The following ARR3 variants were observed in gnomAD, a reference collection of about 807,000 sequenced individuals.
ARR3 encodes arrestin 3.
In ARR3, 14 loss-of-function variants were observed where a neutral mutation model predicts 35.4. That is an observed-to-expected ratio of 0.40 (90% CI 0.26 to 0.62). The LOEUF (loss-of-function observed/expected upper bound fraction) is 0.62. Ranked by LOEUF, ARR3 falls within the 20% of genes least tolerant of loss-of-function variation. ARR3 has a pLI of 0.46. For missense variants in ARR3, 259 were observed against 303.8 expected (o/e 0.85, Z 1.10); for synonymous variants, 97 against 119.1 (o/e 0.81, Z 1.21).
At chrX:70,269,033 A>C (rs1321266621) in intron 1 of ARR3, among the ~76,000 whole-genome samples, 1 of 112,375 alleles carries the variant, frequency 8.9e-6, no homozygotes, top group Non-Finnish European at 1.9e-5. Flanking sequence ...CTCTTTCCAG[A>C]GAAGTTCCTT....
intron 5 of ARR3, among the ~76,000 whole-genome samples, chrX:70,272,868 T>A (rs1602720181): frequency 8.9e-6 from 1 of 112,572 alleles, no homozygotes; most frequent in Non-Finnish European, 1.9e-5. Flanking sequence ...TTCTTAAAAA[T>A]ACTAAAATAA....
intron 5 of ARR3, among the ~76,000 whole-genome samples, chrX:70,275,294 G>A (rs1258047380): frequency 8.9e-6 from 1 of 112,178 alleles, no homozygotes; most frequent in African/African-American, 3.2e-5. Flanking sequence ...AATCTCATGG[G>A]TGTGAAATCT....
intron 16 of ARR3, chrX:70,281,375 AC>A: frequency 4.7e-6 from 2 of 421,898 alleles, no homozygotes; most frequent in Non-Finnish European, 8.1e-6. Context: ...CTTTTCCCCC[AC>A]CCGCTCGCCC....
At chrX:70,275,071 G>A (rs761626024) in intron 5 of ARR3, among the ~76,000 whole-genome samples, 2 of 112,105 alleles carry the variant, frequency 1.8e-5, no homozygotes, top group Admixed American at 9.4e-5. Context: ...ACGTTGATGC[G>A]ACGGCCATTA....
rs2085616435 is a variant in ARR3 at position 70,268,350 on chromosome X, GT to G, written c.-52del. On this transcript the variant is annotated 5_prime_UTR_variant, in exon 1 of 17. It removes the in-frame stop codon of an upstream open reading frame in the 5' UTR. Coordinates refer to ENST00000307959, the MANE Select transcript of ARR3 (RefSeq NM_004312.3). ...ATAGCAACCAGAGCTGGAGACTGAT[GT>G]GAACTTCATCTCTCTCCCCAGGTAA... The G allele has an allele frequency of 9.0e-6, 1 of 110,971 alleles. No individual in the cohort carries two copies. The highest frequency in any genetic ancestry group is 3.3e-5 in the African/African-American group (1 of 30,400). 9.1% of individuals were successfully genotyped at this position (110,971 alleles called of 1,213,427 possible).
intron 8 of ARR3, among the ~76,000 whole-genome samples, chrX:70,277,193 C>T (rs144099108): frequency 1.8e-5 from 2 of 113,041 alleles, no homozygotes; most frequent in African/African-American, 6.4e-5. Flanking sequence ...GGAAAACAGG[C>T]ATCAGGCCAG....
In ARR3 at chrX:70,269,375, A is replaced by G; in HGVS notation, c.-11A>G. 1 of 1,207,332 alleles carries G rather than the reference A, an allele frequency of 8.3e-7. No homozygotes were observed. Among genetic ancestry groups the G allele is most frequent in the East Asian group, 3.0e-5 (1 of 33,797 alleles). The stretch of plus-strand genomic sequence containing the variant: ...TCCCAGAAAAGGCTCAACATCAACT[A>G]TATAGCCAACATGTCCAAGTAAGAA... On this transcript the variant is annotated 5_prime_UTR_variant, in exon 2 of 17. Transcript: ENST00000307959.
rs1447787725 is a variant in ARR3 at position 70,276,461 on chromosome X, C to T, written c.374C>T (p.Thr125Ile). 1 of 1,210,215 alleles carries T rather than the reference C, an allele frequency of 8.3e-7. No homozygotes were observed. Among genetic ancestry groups the T allele is most frequent in the African/African-American group, 1.7e-5 (1 of 57,229 alleles). Reference sequence around the variant, plus strand: ...GTGACCAACCTGCCCTGTTCTGTGACACTGCAGCCAGGTCCTGAAGATGCA... The same window carrying T: ...GTGACCAACCTGCCCTGTTCTGTGATACTGCAGCCAGGTCCTGAAGATGCA... Reference protein sequence around the residue: ...QMVTNLPCSVTLQPGPEDAGK... With the variant: ...QMVTNLPCSVILQPGPEDAGK... The change falls in exon 7 of 17, where the codon ACA becomes ATA. Residue 125 changes from threonine (T) to isoleucine (I), a missense_variant. Coordinates refer to ENST00000307959, the MANE Select transcript of ARR3 (RefSeq NM_004312.3).
chrX:70,273,060 T>C (rs772941654), intron 5 of ARR3, among the ~76,000 whole-genome samples: 65 of 110,767 alleles, frequency 5.9e-4, no homozygotes, highest in Non-Finnish European at 7.5e-5. Flanking sequence ...GCATTTCAGA[T>C]GATTTCTATC....
rs2085621018 is a variant in ARR3, at chrX:70,269,490, A to G, written c.8+97A>G. ...TAGGGGGATTTCCAATTTCTCCCTA[A>G]CTTGTGTCCTTGGATTCTACCCCAA... On this transcript the variant is annotated intron_variant, in intron 2 of 16. Coordinates refer to ENST00000307959, the MANE Select transcript of ARR3 (RefSeq NM_004312.3). 7 of 1,005,188 alleles carry G rather than the reference A, an allele frequency of 7.0e-6. No individual in the cohort carries two copies. In the South Asian group the frequency reaches 1.3e-4, roughly 19 times the overall value. 82.8% of individuals were successfully genotyped at this position (1,005,188 alleles called of 1,213,427 possible).
At position 70,279,653 on chromosome X, in the gene ARR3, A is replaced by G. The variant is rs370322348; in HGVS notation, c.906-542A>G. On this transcript the variant is annotated intron_variant, in intron 12 of 16. Coordinates refer to ENST00000307959, the MANE Select transcript of ARR3 (RefSeq NM_004312.3). ...CAACCCAACAGTTAAATGTTAGTAC[A>G]CGTGGTTCAGAGTAAATCGCAACAA... 4.3e-4 allele frequency among the ~76,000 whole-genome samples: 49 copies of G among 112,746 alleles called. No individual in the cohort carries two copies. The East Asian group carries it at 0.012, about 29-fold the overall frequency.
chrX:70,273,364 G>GGT (rs1293022233), intron 5 of ARR3, among the ~76,000 whole-genome samples: 1 of 109,161 alleles, frequency 9.2e-6, no homozygotes, highest in African/African-American at 3.3e-5. Flanking sequence ...TAGGATTACA[G>GGT]GTGCCCACCA....
chrX:70,278,333 C>T (rs896358983), intron 11 of ARR3, among the ~76,000 whole-genome samples, 171 bp from the exon 12 acceptor site: 1 of 111,279 alleles, frequency 9.0e-6, no homozygotes, highest in Non-Finnish European at 1.9e-5. Flanking sequence ...AGGGCAGGGG[C>T]ATAAGGATTT....
chrX:70,273,214 C>CTT lies in ARR3; in HGVS notation c.146-2844_146-2843dup, dbSNP rs59650423. On this transcript the variant is annotated intron_variant, in intron 5 of 16. Transcript: ENST00000307959. ...TATTTTGAAGTTTCCGAAAGGATTC[C>CTT]TTTTTTTTTTTTTTTTTTTTTTTTT... Among the ~76,000 whole-genome samples, 317 of 41,557 alleles carry CTT rather than the reference C, an allele frequency of 7.6e-3. 1 individual carries two copies. Among genetic ancestry groups the CTT allele is most frequent in the Middle Eastern group, 0.02 (1 of 49 alleles). 36.1% of individuals were successfully genotyped at this position (41,557 alleles called of 115,157 possible).
intron 5 of ARR3, among the ~76,000 whole-genome samples, chrX:70,273,206 A>G (rs907901654): frequency 9.8e-6 from 1 of 102,537 alleles, no homozygotes; most frequent in African/African-American, 3.5e-5. Context: ...AAGTTTCCGA[A>G]AGGATTCCTT....
At chrX:70,268,879 CCATT>C (rs58504509) in intron 1 of ARR3, among the ~76,000 whole-genome samples, 1,829 of 110,874 alleles carry the variant, frequency 0.016, 50 homozygotes, top group East Asian at 0.087. Context: ...ATTGATTTGT[CCATT>C]CATTCATTCA....
At chrX:70,277,066 A>C (rs1399891932) in intron 8 of ARR3, among the ~76,000 whole-genome samples, 2 of 113,021 alleles carry the variant, frequency 1.8e-5, no homozygotes, top group Admixed American at 9.3e-5. Flanking sequence ...AACTTTACTT[A>C]TGGACACTGA....
chrX:70,273,725 AG>A (rs962247730), intron 5 of ARR3, among the ~76,000 whole-genome samples: 2 of 111,787 alleles, frequency 1.8e-5, no homozygotes, highest in Non-Finnish European at 3.8e-5. Flanking sequence ...TGGCATATGT[AG>A]GGTTACTAGA....
Position 70,278,111 on chromosome X carries a change from C to T in ARR3, c.740C>T (p.Thr247Ile), listed in dbSNP as rs2085661901. Reference protein sequence around the residue: ...DVVLYSLDKYTKTVFIQEFTE... With the variant: ...DVVLYSLDKYIKTVFIQEFTE... ...GTCCTGTATTCACTAGACAAGTACA[C>T]CAAGACTGTGTTCATTCAGGAATTC... The change falls in exon 11 of 17, where the codon ACC becomes ATC. Residue 247 changes from threonine to isoleucine, a missense_variant. Thr to Ile is a moderately conservative substitution (Grantham distance 89). Transcript: ENST00000307959. The T allele has an allele frequency of 1.7e-6, 2 of 1,210,263 alleles. No individual in the cohort carries two copies. The highest frequency in any genetic ancestry group is 5.9e-5 in the East Asian group (2 of 33,809).
Sources: gnomAD v4.1 joint callset for allele counts (sites outside exome capture counted in the v4.1 genomes callset) on GRCh38, gnomAD v4.1.1 for gene constraint, MANE v1.5 for transcripts, NCBI Gene and HGNC (gene_info 2026-07-23, HGNC 2026-07-21) for gene names.